NRXN2: variants seen among roughly 807,000 people sequenced by gnomAD.
NRXN2 encodes neurexin-2-beta.
Under a neutral mutation model 128.8 loss-of-function variants are expected in NRXN2, and 29 were observed. That is an observed-to-expected ratio of 0.23 (90% confidence interval 0.17 to 0.31). NRXN2 has a LOEUF of 0.31. NRXN2 is among the 10% of genes least tolerant of loss of function. NRXN2 has a pLI of 1.00. For synonymous variants in NRXN2, 1,098 were observed against 1,075.2 expected (o/e 1.02, Z -0.41); for missense variants, 1,881 against 2,452.6 (o/e 0.77, Z 4.92).
rs1221525031 is a variant in NRXN2, at chr11:64,630,272, G to GTAGCCCCGCCCCAGAGCCGCT, written c.3757+109_3757+129dup. The GTAGCCCCGCCCCAGAGCCGCT allele has an allele frequency of 9.4e-6, 8 of 851,104 alleles. No individual in the cohort carries two copies. Among genetic ancestry groups the GTAGCCCCGCCCCAGAGCCGCT allele is most frequent in the Admixed American group, 6.1e-5 (2 of 32,890 alleles). The allele number at this position is 851,104 out of a possible 1,614,324, so 52.7% of individuals were successfully genotyped here. ...CCGCCTCGCAAGCTTCGTCTCTCCA[G>GTAGCCCCGCCCCAGAGCCGCT]TAGCCCCGCCCCAGAGCCGCTTAGC... On this transcript the variant is annotated intron_variant, in intron 19 of 22. Coordinates refer to ENST00000265459, the MANE Select transcript of NRXN2 (RefSeq NM_015080.4). The surrounding 1 kb of genome is among the most constrained non-coding windows in gnomAD (Gnocchi z 4.6).
chr11:64,645,967 C>T (rs2046594743), intron 17 of NRXN2, among the ~76,000 whole-genome samples: 1 of 152,134 alleles, frequency 6.6e-6, no homozygotes, highest in African/African-American at 2.4e-5. Context: ...TGACCTTGTA[C>T]ATCACAGGGC....
intron 2 of NRXN2, among the ~76,000 whole-genome samples, chr11:64,706,183 A>T (rs2056300707): frequency 9.8e-6 from 1 of 102,522 alleles, no homozygotes; most frequent in Non-Finnish European, 1.8e-5. Flanking sequence ...TATATATATA[A>T]AATTATACTT....
At position 64,686,146 on chromosome 11, in the gene NRXN2, G is replaced by T. The variant is rs17146217; in HGVS notation, c.851-199C>A. Among the ~76,000 whole-genome samples the T allele has an allele frequency of 4.4e-3, 667 of 152,226 alleles. 2 individuals carry two copies. Among genetic ancestry groups the T allele is most frequent in the African/African-American group, 0.015 (643 of 41,522 alleles). On this transcript the variant is annotated intron_variant, in intron 5 of 22. Transcript: ENST00000265459. Reference sequence around the variant, plus strand: ...GACCCTGCCGTCTCTGCTGTCAAAAGTCAATGTCCCCTGTGTCCATTTCCA... The same window carrying T: ...GACCCTGCCGTCTCTGCTGTCAAAATTCAATGTCCCCTGTGTCCATTTCCA...
intron 1 of NRXN2, among the ~76,000 whole-genome samples, chr11:64,722,638 T>A (rs1190906176): frequency 6.6e-6 from 1 of 151,714 alleles, no homozygotes; most frequent in African/African-American, 2.4e-5. Context: ...CCTCTGGGGC[T>A]AGCACAGACT....
intron 12 of NRXN2, 112 bp downstream of exon 12, chr11:64,653,584 C>A: frequency 9.2e-7 from 1 of 1,083,716 alleles, no homozygotes; most frequent in Non-Finnish European, 1.4e-6. Flanking sequence ...GCCCAACCCC[C>A]ATTCGAGCCA....
At chr11:64,610,133 T>C (rs1359684494) in intron 22 of NRXN2, among the ~76,000 whole-genome samples, 1 of 151,866 alleles carries the variant, frequency 6.6e-6, no homozygotes, top group African/African-American at 2.4e-5. Flanking sequence ...GACCTTTCCA[T>C]TGAACTTGAA....
At chr11:64,628,062 G>A (rs1249177807) in intron 19 of NRXN2, among the ~76,000 whole-genome samples, 1 of 152,228 alleles carries the variant, frequency 6.6e-6, no homozygotes, top group Non-Finnish European at 1.5e-5. Context: ...TCAATCCTGT[G>A]TGTGTGTCTC....
intron 17 of NRXN2, chr11:64,643,042 G>A (rs983266057): frequency 5.0e-6 from 5 of 999,186 alleles, no homozygotes; most frequent in Middle Eastern, 5.1e-4. Context: ...CCATCGCGAG[G>A]AGCTAGGGGT....
chr11:64,706,761 T>G (rs940029936), intron 2 of NRXN2, among the ~76,000 whole-genome samples: 1 of 152,176 alleles, frequency 6.6e-6, no homozygotes, highest in African/African-American at 2.4e-5. Flanking sequence ...CAACCAAGTT[T>G]ATTAATCAAT....
At chr11:64,620,233 G>A (rs569334999) in intron 22 of NRXN2, 61 bp downstream of exon 22, 8 of 1,360,638 alleles carry the variant, frequency 5.9e-6, no homozygotes, top group African/African-American at 4.3e-5. Flanking sequence ...AGGGACAGTC[G>A]CCCCCCTCCC....
chr11:64,713,600 C>T lies in NRXN2; in HGVS notation c.100G>A (p.Gly34Ser), dbSNP rs1434434360. ...ARADGLEFGG[G>S]PGQWARYARW... ...GCGTAGCGAGCCCACTGCCCGGGGC[C>T]GCCGCCGAACTCCAGGCCGTCCGCG... The change falls in exon 2 of 23, where the codon GGC (glycine) becomes AGC (serine). Residue 34 changes from glycine (G) to serine (S), a missense_variant. Physicochemically the swap from Gly to Ser is moderately conservative, Grantham distance 56. Around this residue, in one of 7 missense-constraint regions of NRXN2, gnomAD observed 997 missense variants for 1,240.8 expected, o/e 0.80. Transcript: ENST00000265459. The T allele has an allele frequency of 2.3e-6, 3 of 1,329,642 alleles. No homozygotes were observed. The highest frequency in any genetic ancestry group is 6.5e-5 in the Admixed American group (2 of 30,834). The allele number at this position is 1,329,642 out of a possible 1,614,324, so 82.4% of individuals were successfully genotyped here. A position where few individuals can be genotyped will look rare whatever the true frequency, so the allele number is the denominator to read the frequency against.
intron 22 of NRXN2, among the ~76,000 whole-genome samples, chr11:64,609,145 G>A (rs915815873): frequency 6.6e-6 from 1 of 151,628 alleles, no homozygotes; most frequent in Non-Finnish European, 1.5e-5. Flanking sequence ...GAGGTAGGGA[G>A]GGGCAAGGAA....
Position 64,648,186 on chromosome 11 carries a change from C to T in NRXN2, c.3403+33G>A. On this transcript the variant is annotated intron_variant, in intron 17 of 22. Coordinates refer to ENST00000265459, the MANE Select transcript of NRXN2 (RefSeq NM_015080.4). The surrounding 1 kb of genome is among the most constrained non-coding windows in gnomAD (Gnocchi z 4.1). ...ATGGCTGGGAATGGACCCTGGTCTC[C>T]CCAAACTGCCCCCAGCCCTCCCAGG... The T allele has an allele frequency of 6.2e-7, 1 of 1,613,970 alleles. No homozygotes were observed. The highest frequency in any genetic ancestry group is 1.1e-5 in the South Asian group (1 of 91,080).
intron 2 of NRXN2, among the ~76,000 whole-genome samples, chr11:64,704,444 A>AGG (rs2055928922): frequency 6.6e-6 from 1 of 152,118 alleles, no homozygotes; most frequent in African/African-American, 2.4e-5. Context: ...GGAGCTGTAA[A>AGG]ACTGCATCCT....
intron 9 of NRXN2, among the ~76,000 whole-genome samples, chr11:64,664,534 AT>A (rs1184770487): frequency 6.6e-6 from 1 of 151,500 alleles, no homozygotes; most frequent in African/African-American, 2.4e-5. Flanking sequence ...TTTATTTTTC[AT>A]TTCTTTCTCT....
At chr11:64,654,750 A>C (rs569378233) in intron 11 of NRXN2, among the ~76,000 whole-genome samples, 99 of 152,312 alleles carry the variant, frequency 6.5e-4, no homozygotes, top group Admixed American at 1.7e-3. Flanking sequence ...ACTCCATCAA[A>C]CGCCAAGCCT....
At chr11:64,677,460 A>G (rs1349442382) in intron 6 of NRXN2, among the ~76,000 whole-genome samples, 1 of 152,182 alleles carries the variant, frequency 6.6e-6, no homozygotes, top group Non-Finnish European at 1.5e-5. Context: ...CAAAGACTTA[A>G]AGATGGCTGA....
rs1381201038 is a variant in NRXN2 at position 64,606,593 on chromosome 11, GCCCCA to G, written c.*598_*602del. On this transcript the variant is annotated 3_prime_UTR_variant, in exon 23 of 23. Transcript: ENST00000265459. ...CCTGGTGAGGGGAGTTGGGGCACTT[GCCCCA>G]CCCCACCCCACCCACCCACTGGGCC... The G allele has an allele frequency of 6.8e-6, 1 of 146,922 alleles. No individual in the cohort carries two copies. Among genetic ancestry groups the G allele is most frequent in the East Asian group, 2.1e-4 (1 of 4,834 alleles). The allele number at this position is 146,922 out of a possible 1,614,324, so 9.1% of individuals were successfully genotyped here. A position where few individuals can be genotyped will look rare whatever the true frequency, so the allele number is the denominator to read the frequency against.
chr11:64,664,091 A>T (rs181947784), intron 9 of NRXN2, among the ~76,000 whole-genome samples: 308 of 152,340 alleles, frequency 2.0e-3, no homozygotes, highest in Admixed American at 6.5e-3. Flanking sequence ...TTTTGGGAAG[A>T]TGAGAAAAGT....
Sources: gnomAD v4.1 joint callset for allele counts (sites outside exome capture counted in the v4.1 genomes callset) on GRCh38, gnomAD v4.1.1 for gene constraint, gnomAD v4.1.1 regional missense constraint, Gnocchi (gnomAD v3.1) non-coding constraint, MANE v1.5 for transcripts, NCBI Gene and HGNC (gene_info 2026-07-23, HGNC 2026-07-21) for gene names.